Variants in STAT5B observed in about 807,000 individuals in gnomAD.
STAT5B encodes signal transducer and activator of transcription 5B, also known as transcription factor STAT5B.
STAT5B carries 21 observed loss-of-function variants against 107.8 expected under a neutral mutation model. The observed-to-expected ratio is 0.19, with a 90% CI of 0.14 to 0.28. STAT5B has a LOEUF of 0.28. STAT5B is among the 10% of genes least tolerant of loss of function. The probability of loss-of-function intolerance (pLI) is 1.00; values close to 1 mark genes in which losing one functional copy is unlikely to be tolerated. For missense variants in STAT5B, 565 were observed against 1,008.2 expected (o/e 0.56, Z 5.95); for synonymous variants, 325 against 401.7 (o/e 0.81, Z 2.28).
intron 1 of STAT5B, chr17:42,270,564 T>C (rs1348392078): frequency 6.6e-6 from 1 of 152,208 alleles, no homozygotes; most frequent in African/African-American, 2.4e-5. Flanking sequence ...ACCAGAAGTA[T>C]ATACTTTAAT....
At chr17:42,280,630 G>T (rs774957705), upstream of STAT5B, among the ~76,000 whole-genome samples, 6 of 152,186 alleles carry the variant, frequency 3.9e-5, no homozygotes, top group Non-Finnish European at 5.9e-5. Flanking sequence ...GGATAGGTCA[G>T]TACAGGACCC....
chr17:42,202,316 G>A, intron 18 of STAT5B, 24 bp downstream of exon 18: 1 of 1,613,800 alleles, frequency 6.2e-7, no homozygotes, highest in Non-Finnish European at 8.5e-7. Flanking sequence ...CTCCCCTGTG[G>A]ACCCCCACAA....
chr17:42,261,329 C>A (rs994347034), intron 1 of STAT5B, among the ~76,000 whole-genome samples: 1 of 152,128 alleles, frequency 6.6e-6, no homozygotes, highest in African/African-American at 2.4e-5. Flanking sequence ...GCATATTGAA[C>A]AATATATGTT....
chr17:42,219,595 A>C (rs2080206239), intron 6 of STAT5B, 117 bp downstream of exon 6: 1 of 1,309,272 alleles, frequency 7.6e-7, no homozygotes, highest in Admixed American at 2.3e-5. Context: ...GCCCCCAGGA[A>C]AAAAGGCCTC....
In STAT5B at chr17:42,247,758, G is replaced by A. The variant is rs1478728286; in HGVS notation, c.-10-15621C>T. Among the ~76,000 whole-genome samples the A allele has an allele frequency of 2.6e-5, 4 of 152,124 alleles. No individual in the cohort carries two copies. In the South Asian group the frequency reaches 6.2e-4, roughly 24 times the overall value. On this transcript the variant is annotated intron_variant, in intron 1 of 18. Coordinates refer to ENST00000293328, the MANE Select transcript of STAT5B (RefSeq NM_012448.4). ...AGCTCAGGAGTTCAAGACCAGCTTG[G>A]GCAACATATCAAGGCTCTGTCTTTA...
upstream of STAT5B, among the ~76,000 whole-genome samples, chr17:42,278,015 C>A (rs920002050): frequency 6.6e-6 from 1 of 152,116 alleles, no homozygotes; most frequent in African/African-American, 2.4e-5. Flanking sequence ...CTCAGCCTCC[C>A]AAAGTGCTGG....
chr17:42,240,759 G>C (rs576097946), intron 1 of STAT5B, among the ~76,000 whole-genome samples: 67 of 152,294 alleles, frequency 4.4e-4, no homozygotes, highest in Admixed American at 2.1e-3. Context: ...CACTGCACCA[G>C]GCTGCATGCA....
At chr17:42,230,118 C>T (rs963240550) in intron 2 of STAT5B, among the ~76,000 whole-genome samples, 5 of 152,042 alleles carry the variant, frequency 3.3e-5, no homozygotes, top group African/African-American at 1.2e-4. Context: ...CGAGGTACAG[C>T]TGACATTCTC....
In STAT5B at chr17:42,212,105, T is replaced by G; in HGVS notation, c.1559A>C (p.Gln520Pro). The change falls in exon 13 of 19, where the codon CAG (glutamine) becomes CCG (proline). Residue 520 changes from glutamine to proline, a missense_variant. Physicochemically the swap from Gln to Pro is moderately conservative, Grantham distance 76 (BLOSUM62 -1). Coordinates refer to ENST00000293328, the MANE Select transcript of STAT5B (RefSeq NM_012448.4). ...CTCCTTGGTCAGGCCCCGGTTGCTC[T>G]GCACTTCGGCCTTGAATTTCATGTT... Reference protein sequence around the residue: ...ALNMKFKAEVQSNRGLTKENL... With the variant: ...ALNMKFKAEVPSNRGLTKENL... 6.2e-7 allele frequency: 1 copy of G among 1,614,164 alleles called. No individual in the cohort carries two copies. The highest frequency in any genetic ancestry group is 8.5e-7 in the Non-Finnish European group (1 of 1,180,010).
At chr17:42,230,229 CA>C (rs2080306612) in intron 2 of STAT5B, among the ~76,000 whole-genome samples, 1 of 151,992 alleles carries the variant, frequency 6.6e-6, no homozygotes, top group Admixed American at 6.6e-5. Context: ...AGTTTCTGAA[CA>C]GAAATTTGCT....
At chr17:42,244,407 G>C (rs561746756) in intron 1 of STAT5B, among the ~76,000 whole-genome samples, 2 of 151,892 alleles carry the variant, frequency 1.3e-5, no homozygotes, top group African/African-American at 4.8e-5. Flanking sequence ...AGAATTTCTA[G>C]TGAAGGTTTA....
intron 1 of STAT5B, among the ~76,000 whole-genome samples, chr17:42,263,016 A>ATATATATAT (rs1567677432): frequency 4.8e-4 from 11 of 22,888 alleles, no homozygotes; most frequent in Non-Finnish European, 6.6e-4. Context: ...ATATATATAT[A>ATATATATAT]AAAAAACAAA....
intron 1 of STAT5B, among the ~76,000 whole-genome samples, chr17:42,248,556 G>A (rs1019594443): frequency 5.0e-5 from 7 of 139,630 alleles, no homozygotes; most frequent in Non-Finnish European, 1.1e-4. Flanking sequence ...GTAACAGACC[G>A]TCTCTCACTA....
At chr17:42,270,967 T>C (rs1446672616) in intron 1 of STAT5B, 2 of 152,338 alleles carry the variant, frequency 1.3e-5, no homozygotes, top group East Asian at 1.9e-4. Flanking sequence ...GTTTTTATTA[T>C]CTTCACACTT....
At chr17:42,263,579 T>C (rs1002672063) in intron 1 of STAT5B, among the ~76,000 whole-genome samples, 6 of 152,204 alleles carry the variant, frequency 3.9e-5, no homozygotes, top group Non-Finnish European at 7.3e-5. Context: ...CCAGGACGAA[T>C]GCAGTGGCTC....
chr17:42,240,172 C>A (rs1019716614), intron 1 of STAT5B, among the ~76,000 whole-genome samples: 1 of 152,082 alleles, frequency 6.6e-6, no homozygotes, highest in Non-Finnish European at 1.5e-5. Flanking sequence ...AAAACAGGTA[C>A]ACAAATGTTC....
rs980172846 is a variant in STAT5B, at chr17:42,245,344, G to A, written c.-10-13207C>T. On this transcript the variant is annotated intron_variant, in intron 1 of 18. Transcript: ENST00000293328. ...GCCCACCTTGGCCTCCCAAAGTGCTGGAATTACAGGCGTGAGCTACCGCGC... is the reference window on the plus strand; with the variant it reads ...GCCCACCTTGGCCTCCCAAAGTGCTAGAATTACAGGCGTGAGCTACCGCGC... Among the ~76,000 whole-genome samples, 7 of 150,218 alleles carry A rather than the reference G, an allele frequency of 4.7e-5. No homozygotes were observed. The Admixed American group carries it at 4.7e-4, about 10-fold the overall frequency.
At chr17:42,208,479 G>A (rs933877297) in intron 15 of STAT5B, among the ~76,000 whole-genome samples, 5 of 151,620 alleles carry the variant, frequency 3.3e-5, no homozygotes, top group East Asian at 2.0e-4. Flanking sequence ...CTGGGTGACA[G>A]AGACCCCATC....
At chr17:42,237,315 C>T (rs1384027864) in intron 1 of STAT5B, among the ~76,000 whole-genome samples, 3 of 152,154 alleles carry the variant, frequency 2.0e-5, no homozygotes, top group East Asian at 1.9e-4. Context: ...AAATGAATGT[C>T]CACCACATAA....
Sources: allele counts gnomAD v4.1 joint callset (sites outside exome capture counted in the v4.1 genomes callset), GRCh38; gene constraint gnomAD v4.1.1; transcripts MANE v1.5; gene names NCBI Gene and HGNC (gene_info 2026-07-23, HGNC 2026-07-21).